Variants in BAIAP2L1 observed in about 807,000 individuals in gnomAD.
BAIAP2L1 encodes the protein BAR/IMD domain containing adaptor protein 2 like 1, also known as BAR/IMD domain-containing adapter protein 2-like 1.
Under a neutral mutation model 66.3 loss-of-function variants are expected in BAIAP2L1, and 35 were observed. The ratio of observed to expected loss-of-function variants is 0.53; its 90% confidence interval spans 0.40 to 0.70. BAIAP2L1 has a LOEUF of 0.70. Among genes scored for constraint, BAIAP2L1 ranks in the 30% least tolerant of loss-of-function variants. BAIAP2L1 has a pLI of 0.00. For missense variants in BAIAP2L1, 622 were observed against 656.9 expected (o/e 0.95, Z 0.58); for synonymous variants, 269 against 248.7 (o/e 1.08, Z -0.77).
intron 12 of BAIAP2L1, among the ~76,000 whole-genome samples, chr7:98,297,115 G>A (rs1800224968): frequency 6.6e-6 from 1 of 152,246 alleles, no homozygotes; most frequent in African/African-American, 2.4e-5. Context: ...GAGAGTGGTT[G>A]GGCTGCAACT....
At chr7:98,385,077 G>A (rs1287340528) in intron 1 of BAIAP2L1, among the ~76,000 whole-genome samples, 1 of 152,108 alleles carries the variant, frequency 6.6e-6, no homozygotes, top group Non-Finnish European at 1.5e-5. Flanking sequence ...GGAGGCTGAA[G>A]TGGGCAGATC....
chr7:98,357,565 C>A (rs1215337076), intron 2 of BAIAP2L1, among the ~76,000 whole-genome samples: 1,332 of 103,650 alleles, frequency 0.013, no homozygotes, highest in Middle Eastern at 0.017. Flanking sequence ...GACTCAGTCT[C>A]AAAAAAAAAA....
intron 1 of BAIAP2L1, among the ~76,000 whole-genome samples, chr7:98,398,794 G>GA (rs781350593): frequency 3.3e-4 from 50 of 152,188 alleles, no homozygotes; most frequent in East Asian, 1.5e-3. Flanking sequence ...AGAAGCGGGA[G>GA]AAAAAAAGCA....
At chr7:98,337,795 G>C (rs1453446600) in intron 3 of BAIAP2L1, among the ~76,000 whole-genome samples, 1 of 152,216 alleles carries the variant, frequency 6.6e-6, no homozygotes, top group East Asian at 1.9e-4. Context: ...ACGTGCACCT[G>C]TAATCCCAGC....
At chr7:98,364,437 C>G (rs906754130) in intron 1 of BAIAP2L1, among the ~76,000 whole-genome samples, 1 of 152,176 alleles carries the variant, frequency 6.6e-6, no homozygotes, top group Admixed American at 6.5e-5. Flanking sequence ...CCATCTTGCT[C>G]AGTGTGGCTT....
In BAIAP2L1 at chr7:98,307,471, C is replaced by T. The variant is rs560898715; in HGVS notation, c.1163+218G>A. 1.1e-5 allele frequency: 15 copies of T among 1,415,624 alleles called. No homozygotes were observed. In the South Asian group the frequency reaches 2.1e-4, roughly 20 times the overall value. 87.7% of individuals were successfully genotyped at this position (1,415,624 alleles called of 1,614,324 possible). A position where few individuals can be genotyped will look rare whatever the true frequency, so the allele number is the denominator to read the frequency against. On this transcript the variant is annotated intron_variant, in intron 10 of 13. Transcript: ENST00000005260. ...ACTTTCAGACAGGTGACTTCATACG[C>T]TCTAATAACTATGCATGCACCAAAT...
intron 1 of BAIAP2L1, among the ~76,000 whole-genome samples, chr7:98,367,181 G>A (rs1373258495): frequency 2.6e-5 from 4 of 151,876 alleles, no homozygotes; most frequent in Admixed American, 2.0e-4. Context: ...AATAGTTTAA[G>A]ACTCATAAGA....
chr7:98,362,316 GA>G, intron 2 of BAIAP2L1, 40 bp downstream of exon 2: 3 of 1,400,296 alleles, frequency 2.1e-6, no homozygotes, highest in Non-Finnish European at 3.0e-6. Flanking sequence ...CATATTTACT[GA>G]GTGGCTTTAT....
chr7:98,304,289 C>T lies in BAIAP2L1; in HGVS notation c.1329G>A (p.Leu443=), dbSNP rs1045916. 0.71 allele frequency: 1,143,893 copies of T among 1,612,766 alleles called. 414,730 individuals are homozygous for T. Among genetic ancestry groups the T allele is most frequent in the Non-Finnish European group, 0.75 (883,223 of 1,179,448 alleles). The change falls in exon 12 of 14, where the codon TTG becomes TTA. Residue 443 remains leucine, a synonymous_variant. Coordinates refer to ENST00000005260, the MANE Select transcript of BAIAP2L1 (RefSeq NM_018842.5). The stretch of plus-strand genomic sequence containing the variant: ...TCCTGTCGGCAGCTGCCCCCATGGA[C>T]AAGCATTCCAAGTAGTCGGGTGGGG... ...VIPPPDYLEC[L]SMGAAADRRA...
intron 12 of BAIAP2L1, 84 bp downstream of exon 12, chr7:98,304,112 C>T (rs1304887128): frequency 2.9e-6 from 4 of 1,397,402 alleles, no homozygotes; most frequent in Non-Finnish European, 3.8e-6. Context: ...CAGAGCAGAG[C>T]AAGGCGGTCA....
chr7:98,298,114 G>C (rs1438942261), intron 12 of BAIAP2L1, among the ~76,000 whole-genome samples: 2 of 152,278 alleles, frequency 1.3e-5, no homozygotes, highest in East Asian at 1.9e-4. Flanking sequence ...CAAACCCCTA[G>C]CTTGAGTCCT....
At position 98,296,207 on chromosome 7, in the gene BAIAP2L1, G is replaced by A. The variant is rs200667248; in HGVS notation, c.1423-2096C>T. On this transcript the variant is annotated intron_variant, in intron 12 of 13. Transcript: ENST00000005260. ...CTGGTGTTGGAGAAGGGATGGTCAC[G>A]GAGGTGGGCCATGCTGGGTGATCGT... Among the ~76,000 whole-genome samples the A allele has an allele frequency of 1.2e-4, 18 of 152,382 alleles. No homozygotes were observed. In the East Asian group the frequency reaches 3.1e-3, roughly 26 times the overall value.
In BAIAP2L1 at chr7:98,304,271, G is replaced by C. The variant is rs539226207; in HGVS notation, c.1347C>G (p.Ala449=). The C allele has an allele frequency of 2.5e-6, 4 of 1,613,580 alleles. No homozygotes were observed. The highest frequency in any genetic ancestry group is 3.4e-6 in the Non-Finnish European group (4 of 1,179,740). Residue 449 remains alanine (A), a synonymous_variant, in exon 12 of 14, where the codon GCC becomes GCG. Coordinates refer to ENST00000005260, the MANE Select transcript of BAIAP2L1 (RefSeq NM_018842.5). ...YLECLSMGAA[A]DRRADSARTT... ...TCCTGGCCGAATCTGCTCTCCTGTCGGCAGCTGCCCCCATGGACAAGCATT... is the reference window on the plus strand; with the variant it reads ...TCCTGGCCGAATCTGCTCTCCTGTCCGCAGCTGCCCCCATGGACAAGCATT...
At chr7:98,293,699 G>A in intron 13 of BAIAP2L1, 103 bp from the exon 14 acceptor site, 1 of 1,127,314 alleles carries the variant, frequency 8.9e-7, no homozygotes, top group Non-Finnish European at 1.3e-6. Context: ...CTGGGCGGCT[G>A]ACCACCTCCC....
At chr7:98,308,591 C>T (rs1584436606) in intron 9 of BAIAP2L1, 1 of 306,224 alleles carries the variant, frequency 3.3e-6, no homozygotes, top group East Asian at 7.7e-5. Context: ...TACCCATGAG[C>T]ACGAGGCTGT....
At chr7:98,379,126 G>A (rs961413661) in intron 1 of BAIAP2L1, among the ~76,000 whole-genome samples, 14 of 152,084 alleles carry the variant, frequency 9.2e-5, no homozygotes, top group Admixed American at 9.2e-4. Flanking sequence ...CGATCCGCCC[G>A]CTTCAGCCTC....
At chr7:98,312,427 G>C (rs761258684) in intron 7 of BAIAP2L1, among the ~76,000 whole-genome samples, 163 bp from the exon 8 acceptor site, 34 of 152,196 alleles carry the variant, frequency 2.2e-4, no homozygotes, top group Non-Finnish European at 4.1e-4. Flanking sequence ...TAGAGGATCA[G>C]CTGTGTCTCA....
intron 1 of BAIAP2L1, among the ~76,000 whole-genome samples, chr7:98,364,072 C>T (rs1162795606): frequency 6.6e-6 from 1 of 151,656 alleles, no homozygotes; most frequent in Admixed American, 6.6e-5. Flanking sequence ...ACTGCAGCTT[C>T]CTACGACAGC....
chr7:98,353,159 A>G (rs558792875), intron 3 of BAIAP2L1, among the ~76,000 whole-genome samples: 292 of 151,488 alleles, frequency 1.9e-3, no homozygotes, highest in Non-Finnish European at 1.5e-3. Context: ...CCAGGGCACA[A>G]GCAGGATTTT....
Sources: gnomAD v4.1 joint callset for allele counts (sites outside exome capture counted in the v4.1 genomes callset) on GRCh38, gnomAD v4.1.1 for gene constraint, MANE v1.5 for transcripts, NCBI Gene and HGNC (gene_info 2026-07-23, HGNC 2026-07-21) for gene names.